LRMDA: variants seen among roughly 807,000 people sequenced by gnomAD.
LRMDA encodes leucine rich melanocyte differentiation associated, also known as leucine-rich melanocyte differentiation-associated protein.
Under a neutral mutation model 29.8 loss-of-function variants are expected in LRMDA, and 18 were observed. The observed-to-expected ratio is 0.60, with a 90% CI of 0.42 to 0.90. The LOEUF is 0.90. LRMDA is among the 40% of genes least tolerant of loss of function. The pLI, the probability that LRMDA is intolerant of heterozygous loss-of-function variation, is 0.00. For missense variants in LRMDA, 273 were observed against 273.9 expected (o/e 1.00, Z 0.02); for synonymous variants, 125 against 109.4 (o/e 1.14, Z -0.89).
At position 75,438,385 on chromosome 10, in the gene LRMDA, A is replaced by G. The variant is rs1262173070; in HGVS notation, c.31-9A>G. ...TTGCCACATTGTTTCTGTTCCATTTAATTTCCAGGTGTCCTACATAGGCCA... is the reference window on the plus strand; with the variant it reads ...TTGCCACATTGTTTCTGTTCCATTTGATTTCCAGGTGTCCTACATAGGCCA... On this transcript the variant is annotated splice_polypyrimidine_tract_variant and intron_variant, in intron 1 of 6. Coordinates refer to ENST00000611255, the MANE Select transcript of LRMDA (RefSeq NM_001305581.2). The G allele has an allele frequency of 2.6e-6, 4 of 1,547,624 alleles. No homozygotes were observed. The East Asian group carries it at 7.3e-5, about 28-fold the overall frequency.
intron 6 of LRMDA, among the ~76,000 whole-genome samples, chr10:76,495,767 A>G (rs1842875899): frequency 6.6e-6 from 1 of 151,954 alleles, no homozygotes; most frequent in South Asian, 2.1e-4. Flanking sequence ...GTATTTGGGT[A>G]ATTGTAAATG....
chr10:76,031,175 G>GTC (rs1201897184), intron 2 of LRMDA, among the ~76,000 whole-genome samples: 2 of 152,228 alleles, frequency 1.3e-5, no homozygotes. Flanking sequence ...TTATGAAGAG[G>GTC]TCTGGGGGTG....
At chr10:75,879,561 T>C (rs1165509003) in intron 2 of LRMDA, among the ~76,000 whole-genome samples, 1 of 152,164 alleles carries the variant, frequency 6.6e-6, no homozygotes, top group Non-Finnish European at 1.5e-5. Flanking sequence ...TACATGCCTA[T>C]TTCTACTGGA....
At chr10:75,439,219 G>A (rs1465584060) in intron 2 of LRMDA, among the ~76,000 whole-genome samples, 2 of 152,184 alleles carry the variant, frequency 1.3e-5, no homozygotes, top group Admixed American at 6.5e-5. Context: ...TTGGAAAGCA[G>A]GTGTCAGTGG....
chr10:76,206,268 C>G (rs1394247757), intron 5 of LRMDA, among the ~76,000 whole-genome samples: 6 of 152,132 alleles, frequency 3.9e-5, no homozygotes, highest in African/African-American at 1.2e-4. Context: ...TGTGCTTGTC[C>G]CACTGCCTGG....
intron 2 of LRMDA, among the ~76,000 whole-genome samples, chr10:76,016,142 C>A (rs938085409): frequency 3.3e-5 from 5 of 152,162 alleles, no homozygotes; most frequent in African/African-American, 1.2e-4. Flanking sequence ...TTAAGTGCAG[C>A]AGTTGTCTAA....
intron 5 of LRMDA, among the ~76,000 whole-genome samples, chr10:76,249,442 G>A (rs1173399244): frequency 3.9e-5 from 6 of 152,180 alleles, no homozygotes; most frequent in South Asian, 2.1e-4. Flanking sequence ...TCAGCTCTCA[G>A]TAGGTGCAGA....
At chr10:75,504,816 T>G (rs970450125) in intron 2 of LRMDA, among the ~76,000 whole-genome samples, 7 of 152,194 alleles carry the variant, frequency 4.6e-5, no homozygotes, top group African/African-American at 1.4e-4. Context: ...AGATTTTTAC[T>G]GTTACCCTAA....
At chr10:75,521,759 T>C (rs1845362984) in intron 2 of LRMDA, among the ~76,000 whole-genome samples, 1 of 152,232 alleles carries the variant, frequency 6.6e-6, no homozygotes, top group Non-Finnish European at 1.5e-5. Flanking sequence ...GGTACCTCAG[T>C]TGGAAATGCA....
intron 2 of LRMDA, among the ~76,000 whole-genome samples, chr10:75,612,882 GA>G (rs541470077): frequency 1.3e-5 from 2 of 150,316 alleles, no homozygotes; most frequent in Admixed American, 6.6e-5. Flanking sequence ...CTTTGGTGGG[GA>G]AAAAAAAATG....
At chr10:75,665,788 T>A (rs192620910) in intron 2 of LRMDA, among the ~76,000 whole-genome samples, 1 of 152,328 alleles carries the variant, frequency 6.6e-6, no homozygotes, top group East Asian at 1.9e-4. Context: ...TTTGAGTTAT[T>A]TTACAAGTCT....
At chr10:75,977,860 G>A (rs74521037) in intron 2 of LRMDA, among the ~76,000 whole-genome samples, 154 of 152,280 alleles carry the variant, frequency 1.0e-3, no homozygotes, top group African/African-American at 3.4e-3. Flanking sequence ...CTTATTAGTC[G>A]TGTGACCTTG....
intron 6 of LRMDA, among the ~76,000 whole-genome samples, chr10:76,542,157 G>A (rs1159679470): frequency 6.6e-6 from 1 of 152,086 alleles, no homozygotes; most frequent in African/African-American, 2.4e-5. Context: ...TCACATTTGG[G>A]TTTTAAATGT....
chr10:75,886,087 A>T (rs780644483), intron 2 of LRMDA, among the ~76,000 whole-genome samples: 3 of 152,210 alleles, frequency 2.0e-5, no homozygotes, highest in Non-Finnish European at 4.4e-5. Flanking sequence ...CTTTCCTTCC[A>T]CCCCTAAGCT....
At chr10:76,452,223 C>A (rs188766903) in intron 6 of LRMDA, among the ~76,000 whole-genome samples, 8 of 152,206 alleles carry the variant, frequency 5.3e-5, no homozygotes, top group Admixed American at 5.2e-4. Flanking sequence ...TGTGAGGGAG[C>A]ATTCAATTTG....
chr10:76,221,398 T>C (rs1468767177), intron 5 of LRMDA, among the ~76,000 whole-genome samples: 2 of 152,246 alleles, frequency 1.3e-5, no homozygotes, highest in African/African-American at 2.4e-5. Flanking sequence ...AAAATCTACT[T>C]AAGCTGATAA....
chr10:76,423,700 C>A (rs114320404), intron 6 of LRMDA, among the ~76,000 whole-genome samples: 1,613 of 152,286 alleles, frequency 0.011, 36 homozygotes, highest in African/African-American at 0.036. Flanking sequence ...GTAATAAATT[C>A]TAGTCCCCTT....
intron 2 of LRMDA, among the ~76,000 whole-genome samples, chr10:75,510,572 G>A (rs1260292751): frequency 2.6e-5 from 4 of 152,226 alleles, no homozygotes; most frequent in African/African-American, 7.2e-5. Flanking sequence ...TATAATTCGA[G>A]CTGAGTTCTG....
chr10:75,937,669 G>C (rs1846320924), intron 2 of LRMDA, among the ~76,000 whole-genome samples: 1 of 152,180 alleles, frequency 6.6e-6, no homozygotes, highest in African/African-American at 2.4e-5. Context: ...TCTGGTATTT[G>C]AGATAATCTT....
Sources: gnomAD v4.1 joint callset for allele counts (sites outside exome capture counted in the v4.1 genomes callset) on GRCh38, gnomAD v4.1.1 for gene constraint, MANE v1.5 for transcripts, NCBI Gene and HGNC (gene_info 2026-07-23, HGNC 2026-07-21) for gene names.